The following BHLHE41 variants were observed in gnomAD, a reference collection of about 807,000 sequenced individuals.
BHLHE41 encodes the protein class E basic helix-loop-helix protein 41.
BHLHE41 carries 14 observed loss-of-function variants against 24.0 expected under a neutral mutation model. The ratio of observed to expected loss-of-function variants is 0.58; its 90% CI spans 0.39 to 0.91. The LOEUF is 0.91. Ranked by LOEUF, BHLHE41 falls within the 40% of genes least tolerant of loss-of-function variation. The pLI is 0.00. For missense variants in BHLHE41, 674 were observed against 655.4 expected (o/e 1.03, Z -0.31); for synonymous variants, 394 against 315.5 (o/e 1.25, Z -2.64).
chr12:26,124,247 T>G, intron 2 of BHLHE41, 68 bp from the exon 3 acceptor site: 1 of 940,866 alleles, frequency 1.1e-6, no homozygotes, highest in Non-Finnish European at 1.7e-6. Flanking sequence ...GATATTACCC[T>G]CGTCTGCCCC....
chr12:26,123,548 G>A, intron 4 of BHLHE41, 82 bp downstream of exon 4: 1 of 941,902 alleles, frequency 1.1e-6, no homozygotes, highest in Non-Finnish European at 1.8e-6. Flanking sequence ...GAGATGGGGT[G>A]CGGGTGAGGG....
Position 26,122,164 on chromosome 12 carries a change from C to T in BHLHE41, c.1351G>A (p.Gly451Ser). Residue 451 changes from glycine (G) to serine (S), a missense_variant, in exon 5 of 5, where the codon GGC (glycine) becomes AGC (serine). This residue lies in a region of BHLHE41 where 602 missense variants were observed against 570.8 expected (regional missense o/e 1.05). Transcript: ENST00000242728. ...LGAPHPQHPH[G>S]RTHLPFAGPR... Reference sequence around the variant, plus strand: ...CCGGCGAAGGGCAGGTGGGTGCGGCCGTGCGGGTGCTGGGGGTGCGGCGCC... The same window carrying T: ...CCGGCGAAGGGCAGGTGGGTGCGGCTGTGCGGGTGCTGGGGGTGCGGCGCC... 1 of 1,535,884 alleles carries T rather than the reference C, an allele frequency of 6.5e-7. No homozygotes were observed. Among genetic ancestry groups the T allele is most frequent in the Non-Finnish European group, 8.8e-7 (1 of 1,140,192 alleles).
chr12:26,124,965 C>T lies in BHLHE41; in HGVS notation c.-186G>A. 2 of 635,780 alleles carry T rather than the reference C, an allele frequency of 3.1e-6. No homozygotes were observed. Among genetic ancestry groups the T allele is most frequent in the Non-Finnish European group, 5.7e-6 (2 of 349,084 alleles). 39.4% of individuals were successfully genotyped at this position (635,780 alleles called of 1,614,324 possible). ...CCCCCCTCCACCGCGCTCGCACACACACACGCACACACACGCACACTCGCG... is the reference window on the plus strand; with the variant it reads ...CCCCCCTCCACCGCGCTCGCACACATACACGCACACACACGCACACTCGCG... On this transcript the variant is annotated 5_prime_UTR_variant, in exon 1 of 5. The change creates a new upstream start codon in the 5' untranslated region. Coordinates refer to ENST00000242728, the MANE Select transcript of BHLHE41 (RefSeq NM_030762.3).
rs983107780 is a variant in BHLHE41, at chr12:26,124,945, C to T, written c.-166G>A. ...AAGTGTGAAGCAGTTGGTCCCCCCC[C>T]TCCACCGCGCTCGCACACACACACG... is the stretch of plus-strand genomic sequence containing the variant. On this transcript the variant is annotated 5_prime_UTR_variant, in exon 1 of 5. Coordinates refer to ENST00000242728, the MANE Select transcript of BHLHE41 (RefSeq NM_030762.3). 1 of 721,928 alleles carries T rather than the reference C, an allele frequency of 1.4e-6. No homozygotes were observed. The highest frequency in any genetic ancestry group is 2.5e-6 in the Non-Finnish European group (1 of 405,776). 44.7% of individuals were successfully genotyped at this position (721,928 alleles called of 1,614,324 possible).
chr12:26,122,222 C>A lies in BHLHE41; in HGVS notation c.1293G>T (p.Ala431=). The change falls in exon 5 of 5, where the codon GCG becomes GCT. Residue 431 remains alanine (A), a synonymous_variant. Coordinates refer to ENST00000242728, the MANE Select transcript of BHLHE41 (RefSeq NM_030762.3). The stretch of plus-strand genomic sequence containing the variant: ...GCGCCACCTCGTGCGGCAGGAGGGT[C>A]GCGGCGGCGGCGCCCGCCTTCTCGG... ...PPPEKAGAAA[A]TLLPHEVAPL... 1 of 1,302,008 alleles carries A rather than the reference C, an allele frequency of 7.7e-7. No homozygotes were observed. The highest frequency in any genetic ancestry group is 9.7e-7 in the Non-Finnish European group (1 of 1,026,542). 80.7% of individuals were successfully genotyped at this position (1,302,008 alleles called of 1,614,324 possible).
In BHLHE41 at chr12:26,122,771, G is replaced by T. The variant is rs776875817; in HGVS notation, c.744C>A (p.Ala248=). 2.5e-6 allele frequency: 4 copies of T among 1,591,124 alleles called. No homozygotes were observed. The highest frequency in any genetic ancestry group is 3.4e-6 in the Non-Finnish European group (4 of 1,174,824). The change falls in exon 5 of 5, where the codon GCC becomes GCA. Residue 248 remains alanine (A), a synonymous_variant. Transcript: ENST00000242728. ...CTTTGCCTTTCTCGCGGTCCGGCCG[G>T]GCCTCGGCTTCGCCGCCGTAGCCGC... ...TDSGYGGEAE[A]RPDREKGKGA...
At chr12:26,123,554 G>C in intron 4 of BHLHE41, 76 bp downstream of exon 4, 1 of 989,886 alleles carries the variant, frequency 1.0e-6, no homozygotes, top group Non-Finnish European at 1.6e-6. Context: ...GGGTGCGGGT[G>C]AGGGAGTCCT....
chr12:26,122,435 G>C lies in BHLHE41; in HGVS notation c.1080C>G (p.Ala360=), dbSNP rs776094709. ...PFCFLSPSAA[A]AYVQPFLDKS... ...TGTCCAGGAAGGGCTGCACGTAGGC[G>C]GCAGCTGCAGAAGGCGAGAGGAAGC... Residue 360 remains alanine (A), a synonymous_variant, in exon 5 of 5, where the codon GCC becomes GCG. Transcript: ENST00000242728. 551 of 1,354,708 alleles carry C rather than the reference G, an allele frequency of 4.1e-4. 2 individuals carry two copies. Among genetic ancestry groups the C allele is most frequent in the Middle Eastern group, 2.7e-3 (11 of 4,122 alleles). 83.9% of individuals were successfully genotyped at this position (1,354,708 alleles called of 1,614,324 possible). A position where few individuals can be genotyped will look rare whatever the true frequency, so the allele number is the denominator to read the frequency against.
At position 26,120,339 on chromosome 12, in the gene BHLHE41, T is replaced by C. The variant is rs1591837251; in HGVS notation, c.*1727A>G. The C allele has an allele frequency of 6.5e-6, 1 of 152,800 alleles. No homozygotes were observed. The allele number at this position is 152,800 out of a possible 1,614,324, so 9.5% of individuals were successfully genotyped here. On this transcript the variant is annotated 3_prime_UTR_variant, in exon 5 of 5. Coordinates refer to ENST00000242728, the MANE Select transcript of BHLHE41 (RefSeq NM_030762.3). The stretch of plus-strand genomic sequence containing the variant: ...GGCAATATTTAGGTAATAGAATTTA[T>C]GGAGTGCTGAAAATACTAGAATATA...
chr12:26,122,054 G>T lies in BHLHE41; in HGVS notation c.*12C>A. 1.3e-6 allele frequency: 2 copies of T among 1,549,294 alleles called. No homozygotes were observed. The highest frequency in any genetic ancestry group is 3.3e-4 in the Middle Eastern group (2 of 5,972). On this transcript the variant is annotated 3_prime_UTR_variant, in exon 5 of 5. Coordinates refer to ENST00000242728, the MANE Select transcript of BHLHE41 (RefSeq NM_030762.3). ...ACTCTGCTTGAACCTCCGTCCTTCG[G>T]GACGCAAGGATTCAGGGAGCTTCCT...
Position 26,122,107 on chromosome 12 carries a change from C to G in BHLHE41, c.1408G>C (p.Ala470Pro), listed in dbSNP as rs1459202755. Residue 470 changes from alanine to proline, a missense_variant, in exon 5 of 5, where the codon GCT becomes CCT. Around this residue, in one of 3 missense-constraint regions of BHLHE41, gnomAD observed 602 missense variants for 570.8 expected, o/e 1.05. Coordinates refer to ENST00000242728, the MANE Select transcript of BHLHE41 (RefSeq NM_030762.3). ...CCTGGCTGCGAGGGATCTTCCTGAG[C>G]AGAGCTCTCCGGGTTCCCCGGCTCG... is the stretch of plus-strand genomic sequence containing the variant. Reference protein sequence around the residue: ...PREPGNPESSAQEDPSQPGKE... With the variant: ...PREPGNPESSPQEDPSQPGKE... 1 of 1,549,590 alleles carries G rather than the reference C, an allele frequency of 6.5e-7. No homozygotes were observed. The highest frequency in any genetic ancestry group is 2.0e-5 in the Admixed American group (1 of 50,950).
intron 2 of BHLHE41, 77 bp from the exon 3 acceptor site, chr12:26,124,256 C>CACCCCCT: frequency 2.0e-6 from 1 of 512,096 alleles, no homozygotes; most frequent in Non-Finnish European, 3.4e-6. Flanking sequence ...CTCGTCTGCC[C>CACCCCCT]CCCCCGCCCC....
Position 26,122,189 on chromosome 12 carries a change from CCCAAGGGGCGCCA to C in BHLHE41, c.1313_1325del (p.Val438GlyfsTer61). ...CGTGCGGGTGCTGGGGGTGCGGCGCCCCAAGGGGCGCCACCTCGTGCGGCAGGAGGGTCGCGGC... is the reference window on the plus strand; with the variant it reads ...CGTGCGGGTGCTGGGGGTGCGGCGCCCCTCGTGCGGCAGGAGGGTCGCGGC... On this transcript the variant is annotated frameshift_variant, in exon 5 of 5. Coordinates refer to ENST00000242728, the MANE Select transcript of BHLHE41 (RefSeq NM_030762.3). LOFTEE classifies it high-confidence loss of function. 1 of 1,452,396 alleles carries C rather than the reference CCCAAGGGGCGCCA, an allele frequency of 6.9e-7. No homozygotes were observed. The highest frequency in any genetic ancestry group is 9.0e-7 in the Non-Finnish European group (1 of 1,105,054). 90.0% of individuals were successfully genotyped at this position (1,452,396 alleles called of 1,614,324 possible). A position where few individuals can be genotyped will look rare whatever the true frequency, so the allele number is the denominator to read the frequency against.
rs974544779 is a variant in BHLHE41 at position 26,123,255 on chromosome 12, G to C, written c.347-87C>G. The C allele has an allele frequency of 7.6e-6, 11 of 1,455,362 alleles. No homozygotes were observed. The African/African-American group carries it at 1.6e-4, about 21-fold the overall frequency. 90.2% of individuals were successfully genotyped at this position (1,455,362 alleles called of 1,614,324 possible). A position where few individuals can be genotyped will look rare whatever the true frequency, so the allele number is the denominator to read the frequency against. Reference sequence around the variant, plus strand: ...ACGTTAAAACATCTGCTTATCACGTGGGCCCTGCATCGACTAAAGTGATCT... The same window carrying C: ...ACGTTAAAACATCTGCTTATCACGTCGGCCCTGCATCGACTAAAGTGATCT... On this transcript the variant is annotated intron_variant, in intron 4 of 4. Transcript: ENST00000242728.
chr12:26,123,231 C>T (rs768898167), intron 4 of BHLHE41, 63 bp from the exon 5 acceptor site: 1 of 1,505,254 alleles, frequency 6.6e-7, no homozygotes, highest in Non-Finnish European at 8.9e-7. Flanking sequence ...AACATACCCA[C>T]GTTAAAACAT....
chr12:26,123,302 G>C, intron 4 of BHLHE41, 134 bp from the exon 5 acceptor site: 1 of 1,242,960 alleles, frequency 8.0e-7, no homozygotes, highest in Admixed American at 2.9e-5. Flanking sequence ...CAGTATTCAA[G>C]TGATATAATC....
Position 26,122,318 on chromosome 12 carries a change from C to G in BHLHE41, c.1197G>C (p.Ala399=), listed in dbSNP as rs1170610200. 6 of 1,169,674 alleles carry G rather than the reference C, an allele frequency of 5.1e-6. No homozygotes were observed. Among genetic ancestry groups the G allele is most frequent in the Non-Finnish European group, 6.3e-6 (6 of 949,754 alleles). 72.5% of individuals were successfully genotyped at this position (1,169,674 alleles called of 1,614,324 possible). A position where few individuals can be genotyped will look rare whatever the true frequency, so the allele number is the denominator to read the frequency against. Residue 399 remains alanine (A), a synonymous_variant, in exon 5 of 5, where the codon GCG becomes GCC. Transcript: ENST00000242728. ...CGGCGGCAGCGGCGGCGGCGGCTGC[C>G]GCGGCTGCCGCCGGGGCGGGGATGC... is the stretch of plus-strand genomic sequence containing the variant. ...YPGIPAPAAA[A]AAAAAAAAAA...
rs1272041859 is a variant in BHLHE41, at chr12:26,121,418, TTCAGAATAGG to T, written c.*638_*647del. On this transcript the variant is annotated 3_prime_UTR_variant, in exon 5 of 5. Coordinates refer to ENST00000242728, the MANE Select transcript of BHLHE41 (RefSeq NM_030762.3). Reference sequence around the variant, plus strand: ...TACTAAGAGATACCATTTAAACCACTTCAGAATAGGTTGCAACGTGAGAAACTGCATCCTC... The same window carrying T: ...TACTAAGAGATACCATTTAAACCACTTTGCAACGTGAGAAACTGCATCCTC... The T allele has an allele frequency of 6.5e-6, 1 of 152,818 alleles. No homozygotes were observed. The highest frequency in any genetic ancestry group is 1.9e-4 in the East Asian group (1 of 5,208). The allele number at this position is 152,818 out of a possible 1,614,324, so 9.5% of individuals were successfully genotyped here. A position where few individuals can be genotyped will look rare whatever the true frequency, so the allele number is the denominator to read the frequency against.
Position 26,122,622 on chromosome 12 carries a change from G to GCCGCCA in BHLHE41, c.892_893insTGGCGG (p.Ala297_Ala298insValAla), listed in dbSNP as rs1371905437. 1 of 1,179,840 alleles carries GCCGCCA rather than the reference G, an allele frequency of 8.5e-7. No individual in the cohort carries two copies. Among genetic ancestry groups the GCCGCCA allele is most frequent in the African/African-American group, 1.7e-5 (1 of 60,576 alleles). 73.1% of individuals were successfully genotyped at this position (1,179,840 alleles called of 1,614,324 possible). On this transcript the variant is annotated inframe_insertion, in exon 5 of 5. Transcript: ENST00000242728. ...CCCCAGAAGCGCGGCTGCCGCCGCCGCCGCGCCGCCCCCCGGGCCGCCGCC... is the reference window on the plus strand; with the variant it reads ...CCCCAGAAGCGCGGCTGCCGCCGCCGCCGCCACCGCGCCGCCCCCCGGGCCGCCGCC...
Sources: allele counts gnomAD v4.1 joint callset, GRCh38; gene constraint gnomAD v4.1.1; regional missense constraint gnomAD v4.1.1; transcripts MANE v1.5; gene names NCBI Gene and HGNC (gene_info 2026-07-23, HGNC 2026-07-21).